Variants in RAD51B observed in about 807,000 individuals in gnomAD.
RAD51B encodes RAD51 paralog B.
In RAD51B, 38 loss-of-function variants were observed where a neutral mutation model predicts 42.2. The ratio of observed to expected loss-of-function variants is 0.90; its 90% CI spans 0.70 to 1.18. RAD51B has a LOEUF of 1.18. Ranked by LOEUF, RAD51B falls within the 50% of genes most tolerant of loss-of-function variation. The probability of loss-of-function intolerance (pLI) is 0.00; values close to 1 mark genes in which losing one functional copy is unlikely to be tolerated. For synonymous variants in RAD51B, 154 were observed against 145.2 expected (o/e 1.06, Z -0.43); for missense variants, 373 against 400.7 (o/e 0.93, Z 0.59).
At chr14:68,131,118 A>G (rs1487380307) in intron 7 of RAD51B, among the ~76,000 whole-genome samples, 1 of 152,202 alleles carries the variant, frequency 6.6e-6, no homozygotes, top group Non-Finnish European at 1.5e-5. Context: ...TTGTTAGAGA[A>G]TAAAACTCAA....
Position 68,291,978 on chromosome 14 carries a change from A to G in RAD51B, c.851A>G (p.Glu284Gly). ...CCAGCTGATGATTTGTCCCTGTCTGAAGGTAAGGAATCTGTCCTGGAGAGG... is the reference window on the plus strand; with the variant it reads ...CCAGCTGATGATTTGTCCCTGTCTGGAGGTAAGGAATCTGTCCTGGAGAGG... ...VSPADDLSLS[E>G]GTSGSSCVIA... Residue 284 changes from glutamate (E) to glycine (G), a missense_variant and splice_region_variant, in exon 8 of 11, where the codon GAA becomes GGA. Coordinates refer to ENST00000471583, the MANE Select transcript of RAD51B (RefSeq NM_133510.4). The G allele has an allele frequency of 6.2e-7, 1 of 1,610,560 alleles. No homozygotes were observed. Among genetic ancestry groups the G allele is most frequent in the African/African-American group, 1.3e-5 (1 of 74,898 alleles).
rs146194438 is a variant in RAD51B at position 68,166,297 on chromosome 14, G to T, written c.757-125587G>T. 3.3e-5 allele frequency among the ~76,000 whole-genome samples: 5 copies of T among 151,458 alleles called. No homozygotes were observed. In the East Asian group the frequency reaches 9.7e-4, roughly 29 times the overall value. On this transcript the variant is annotated intron_variant, in intron 7 of 10. Coordinates refer to ENST00000471583, the MANE Select transcript of RAD51B (RefSeq NM_133510.4). Reference sequence around the variant, plus strand: ...AGTTCTCATAGTCCGAAGCATAAAAGGTGCTGTAACCAATAGGTACAAAAT... The same window carrying T: ...AGTTCTCATAGTCCGAAGCATAAAATGTGCTGTAACCAATAGGTACAAAAT...
At chr14:67,916,587 G>T (rs1274947732) in intron 7 of RAD51B, among the ~76,000 whole-genome samples, 1 of 151,886 alleles carries the variant, frequency 6.6e-6, no homozygotes, top group Non-Finnish European at 1.5e-5. Context: ...CCACCTCAAA[G>T]CTTGGGCTTG....
chr14:68,607,466 C>T lies in RAD51B; in HGVS notation c.1037-3540C>T, dbSNP rs373986046. Among the ~76,000 whole-genome samples the T allele has an allele frequency of 2.1e-4, 32 of 152,290 alleles. 1 individual carries two copies. Among genetic ancestry groups the T allele is most frequent in the African/African-American group, 6.5e-4 (27 of 41,558 alleles). Reference sequence around the variant, plus strand: ...GCCCATCTCTTCCAGAGGAAGTCTGCGGCCAGCCCTGCTCCAGACCCCTCC... The same window carrying T: ...GCCCATCTCTTCCAGAGGAAGTCTGTGGCCAGCCCTGCTCCAGACCCCTCC... On this transcript the variant is annotated intron_variant, in intron 10 of 10. Transcript: ENST00000487861.
chr14:67,886,153 GA>G (rs1250906097), intron 6 of RAD51B, among the ~76,000 whole-genome samples, 165 bp downstream of exon 6: 2 of 151,752 alleles, frequency 1.3e-5, no homozygotes, highest in African/African-American at 4.8e-5. Context: ...AGTCTTTCTT[GA>G]AAAACAAAAA....
intron 7 of RAD51B, among the ~76,000 whole-genome samples, chr14:68,245,461 C>A (rs766294151): frequency 6.6e-6 from 1 of 152,200 alleles, no homozygotes; most frequent in Non-Finnish European, 1.5e-5. Flanking sequence ...TTTGTTACAT[C>A]CTCTTTTCAA....
chr14:68,109,405 C>T (rs1223239683), intron 7 of RAD51B, among the ~76,000 whole-genome samples: 1 of 151,956 alleles, frequency 6.6e-6, no homozygotes, highest in Non-Finnish European at 1.5e-5. Flanking sequence ...CTTGAATGCT[C>T]TGGCCTGGTG....
chr14:67,835,269 A>G (rs2041197747), intron 4 of RAD51B, 73 bp downstream of exon 4: 1 of 1,083,472 alleles, frequency 9.2e-7, no homozygotes, highest in Non-Finnish European at 1.4e-6. Flanking sequence ...GTTTAGTTAA[A>G]AAACATAAAT....
rs571050429 is a variant in RAD51B, at chr14:68,619,379, C to T, written c.1037-31402C>T. On this transcript the variant is annotated intron_variant, in intron 10 of 11. Coordinates refer to the RAD51B transcript ENST00000488612. Reference sequence around the variant, plus strand: ...TCAGGAGGCTGAGGCAGGAGAATGGCGTGAACCTGGGAGGTGGAGCTTGCA... The same window carrying T: ...TCAGGAGGCTGAGGCAGGAGAATGGTGTGAACCTGGGAGGTGGAGCTTGCA... 1.2e-3 allele frequency among the ~76,000 whole-genome samples: 184 copies of T among 150,870 alleles called. 2 individuals are homozygous for T. The highest frequency in any genetic ancestry group is 5.8e-3 in the South Asian group (28 of 4,794).
intron 7 of RAD51B, among the ~76,000 whole-genome samples, chr14:68,062,712 G>A (rs1162228806): frequency 6.7e-6 from 1 of 149,872 alleles, no homozygotes; most frequent in African/African-American, 2.5e-5. Context: ...AGGAGGCTGA[G>A]ACATGAGAAT....
intron 8 of RAD51B, among the ~76,000 whole-genome samples, chr14:68,380,582 C>T (rs2083460068): frequency 6.6e-6 from 1 of 152,108 alleles, no homozygotes; most frequent in African/African-American, 2.4e-5. Context: ...TGAAGGATCG[C>T]TGGCTTTTAC....
intron 7 of RAD51B, among the ~76,000 whole-genome samples, chr14:68,278,268 A>C (rs2081261607): frequency 6.6e-6 from 1 of 152,270 alleles, no homozygotes; most frequent in Non-Finnish European, 1.5e-5. Flanking sequence ...TTAGAATGCC[A>C]CATAGTAGTT....
downstream of RAD51B, chr14:68,478,175 TG>T: frequency 1.0e-6 from 1 of 974,624 alleles, no homozygotes; most frequent in Non-Finnish European, 1.2e-6. Context: ...TGTGGGAGGC[TG>T]GGGGCGGGCA....
chr14:68,465,955 T>TAAATAAA lies in RAD51B; in HGVS notation c.958-2216_958-2210dup, dbSNP rs1555414333. 1.7e-3 allele frequency among the ~76,000 whole-genome samples: 58 copies of TAAATAAA among 34,742 alleles called. 1 individual carries two copies. Among genetic ancestry groups the TAAATAAA allele is most frequent in the Middle Eastern group, 0.025 (2 of 80 alleles). The allele number at this position is 34,742 out of a possible 152,430, so 22.8% of individuals were successfully genotyped here. On this transcript the variant is annotated intron_variant, in intron 9 of 10. Transcript: ENST00000471583. ...GACTCTGTCTCAAAAAAAAAAAAAATAAATAAATAAATAAATAAATAAATA... is the reference window on the plus strand; with the variant it reads ...GACTCTGTCTCAAAAAAAAAAAAAATAAATAAAAAATAAATAAATAAATAAATAAATA...
At chr14:68,649,409 A>G (rs902288029) in intron 10 of RAD51B, among the ~76,000 whole-genome samples, 1 of 152,180 alleles carries the variant, frequency 6.6e-6, no homozygotes, top group African/African-American at 2.4e-5. Context: ...CCTCTGCTCC[A>G]TTCTCTACTC....
chr14:68,546,740 C>T (rs374221283), intron 10 of RAD51B, among the ~76,000 whole-genome samples: 2 of 152,030 alleles, frequency 1.3e-5, no homozygotes, highest in South Asian at 2.1e-4. Context: ...CTCTGAGAGG[C>T]GGGAGGAGAA....
chr14:67,959,815 C>T (rs754707604), intron 7 of RAD51B, among the ~76,000 whole-genome samples: 2 of 152,116 alleles, frequency 1.3e-5, no homozygotes, highest in African/African-American at 4.8e-5. Flanking sequence ...TGCAGTGGCT[C>T]ATCCCTGTAA....
chr14:68,322,829 G>A (rs1207711388), intron 8 of RAD51B, among the ~76,000 whole-genome samples: 1 of 152,160 alleles, frequency 6.6e-6, no homozygotes, highest in Non-Finnish European at 1.5e-5. Flanking sequence ...GGATTTGACT[G>A]TGAGGTGAAA....
intron 7 of RAD51B, among the ~76,000 whole-genome samples, chr14:68,195,404 C>T (rs1211851139): frequency 1.5e-5 from 1 of 68,620 alleles, no homozygotes; most frequent in Non-Finnish European, 4.9e-5. Flanking sequence ...CTCCAGTCAC[C>T]TCCTAACTGC....
Sources: allele counts gnomAD v4.1 joint callset (sites outside exome capture counted in the v4.1 genomes callset), GRCh38; gene constraint gnomAD v4.1.1; transcripts MANE v1.5; gene names NCBI Gene and HGNC (gene_info 2026-07-23, HGNC 2026-07-21).